Variants in RSPH10B observed in about 807,000 individuals in gnomAD.
The protein encoded by RSPH10B is radial spoke head 10 homolog B.
Under a neutral mutation model 52.5 loss-of-function variants are expected in RSPH10B, and 7 were observed. That is an observed-to-expected ratio of 0.13 (90% confidence interval 0.08 to 0.25). RSPH10B has a LOEUF of 0.25. RSPH10B is among the 10% of genes least tolerant of loss of function. The pLI is 1.00. For synonymous variants in RSPH10B, 28 were observed against 193.2 expected (o/e 0.14, Z 7.09); for missense variants, 89 against 542.5 (o/e 0.16, Z 8.30).
intron 18 of RSPH10B, among the ~76,000 whole-genome samples, chr7:5,927,073 TGTGTGTGTGTG>T (rs1562553352): frequency 1.8e-4 from 19 of 106,056 alleles, no homozygotes; most frequent in South Asian, 3.2e-4. Context: ...TGTGTATATG[TGTGTGTGTGTG>T]TGTGTGTGTG....
At chr7:5,928,330 G>A (rs375335907) in exon 18 of RSPH10B, 279 of 1,613,092 alleles carry the variant, frequency 1.7e-4, no homozygotes, top group East Asian at 1.0e-3. Flanking sequence ...CAAAGAAGAC[G>A]TACATATTAT....
At chr7:5,941,611 A>G (rs1047383723) in intron 13 of RSPH10B, among the ~76,000 whole-genome samples, 2 of 147,444 alleles carry the variant, frequency 1.4e-5, no homozygotes, top group African/African-American at 5.0e-5. Context: ...TGGCATGGTC[A>G]TGCACGCCTT....
intron 1 of RSPH10B, among the ~76,000 whole-genome samples, chr7:5,966,355 A>G (rs1781107839): frequency 8.7e-6 from 1 of 114,392 alleles, no homozygotes; most frequent in African/African-American, 3.2e-5. Flanking sequence ...AACTCTATAT[A>G]TACACACGCC....
At chr7:5,932,023 A>G (rs1779801743) in intron 17 of RSPH10B, among the ~76,000 whole-genome samples, 1 of 149,340 alleles carries the variant, frequency 6.7e-6, no homozygotes, top group African/African-American at 2.5e-5. Context: ...AAAAGGGGAA[A>G]CACCAGGGCT....
At chr7:5,927,619 C>T (rs1413274849) in intron 18 of RSPH10B, among the ~76,000 whole-genome samples, 1 of 142,934 alleles carries the variant, frequency 7.0e-6, no homozygotes. Flanking sequence ...AAAGAGTCCA[C>T]AGGTTTTGAA....
At position 5,954,125 on chromosome 7, in the gene RSPH10B, G is replaced by A. The variant is rs376892489; in HGVS notation, c.958-906C>T. On this transcript the variant is annotated intron_variant, in intron 7 of 18. Transcript: ENST00000337579. ...CCAAAAGTGTTGGGATTACAGGCGTGAGCCATCGTGCCCCACAATTTTTTT... is the reference window on the plus strand; with the variant it reads ...CCAAAAGTGTTGGGATTACAGGCGTAAGCCATCGTGCCCCACAATTTTTTT... Among the ~76,000 whole-genome samples, 11 of 120,340 alleles carry A rather than the reference G, an allele frequency of 9.1e-5. 1 individual carries two copies. The highest frequency in any genetic ancestry group is 8.1e-4 in the East Asian group (3 of 3,694). 78.9% of individuals were successfully genotyped at this position (120,340 alleles called of 152,430 possible). A position where few individuals can be genotyped will look rare whatever the true frequency, so the allele number is the denominator to read the frequency against.
At chr7:5,963,899 C>A in intron 3 of RSPH10B, among the ~76,000 whole-genome samples, 2 of 98,886 alleles carry the variant, frequency 2.0e-5, no homozygotes, top group Non-Finnish European at 2.1e-5. Context: ...AACCCTGTCT[C>A]TACAAAAAAA....
intron 18 of RSPH10B, among the ~76,000 whole-genome samples, chr7:5,927,545 C>T (rs1271765377): frequency 2.4e-5 from 3 of 126,916 alleles, no homozygotes; most frequent in African/African-American, 3.4e-5. Flanking sequence ...GCAACCAGCT[C>T]CAGCGAGAAG....
intron 7 of RSPH10B, among the ~76,000 whole-genome samples, chr7:5,955,343 CAG>C (rs1780717475): frequency 1.3e-5 from 1 of 78,814 alleles, no homozygotes; most frequent in Non-Finnish European, 2.6e-5. Flanking sequence ...ACTGTGCACT[CAG>C]AAATGGTTAA....
At chr7:5,928,775 G>A (rs1352568531) in intron 17 of RSPH10B, among the ~76,000 whole-genome samples, 54 of 150,526 alleles carry the variant, frequency 3.6e-4, no homozygotes, top group Admixed American at 2.8e-3. Context: ...ACAGGCGTGC[G>A]CCATCACACT....
At chr7:5,941,503 G>A (rs1301886635) in intron 13 of RSPH10B, among the ~76,000 whole-genome samples, 1 of 148,898 alleles carries the variant, frequency 6.7e-6, no homozygotes, top group Non-Finnish European at 1.5e-5. Flanking sequence ...CCAGCACTTT[G>A]GGAGTCCGAC....
chr7:5,950,358 G>T (rs1780550549), intron 9 of RSPH10B, among the ~76,000 whole-genome samples: 1 of 151,704 alleles, frequency 6.6e-6, no homozygotes, highest in Non-Finnish European at 1.5e-5. Context: ...ATCACCTGAG[G>T]TCAGGAGTTC....
intron 13 of RSPH10B, among the ~76,000 whole-genome samples, chr7:5,941,075 A>G (rs35300450): frequency 0.17 from 6,656 of 39,998 alleles, 885 homozygotes; most frequent in East Asian, 0.38. Context: ...GCCGAGGCAC[A>G]AGGACTGCTT....
chr7:5,968,567 T>C (rs1436582226), upstream of RSPH10B, among the ~76,000 whole-genome samples: 11 of 69,520 alleles, frequency 1.6e-4, no homozygotes, highest in African/African-American at 2.3e-4. Flanking sequence ...AGTGCGGTGG[T>C]GCGATCTTGG....
intron 17 of RSPH10B, among the ~76,000 whole-genome samples, chr7:5,931,865 T>C (rs1463957647): frequency 6.6e-6 from 1 of 151,060 alleles, no homozygotes; most frequent in African/African-American, 2.4e-5. Flanking sequence ...GATGGGTGCC[T>C]GTAATCCCAG....
chr7:5,931,370 C>T (rs1311309073), intron 17 of RSPH10B, among the ~76,000 whole-genome samples: 4 of 151,394 alleles, frequency 2.6e-5, no homozygotes, highest in South Asian at 2.1e-4. Flanking sequence ...GACAAGGGCC[C>T]GGGATGGAAC....
chr7:5,955,164 C>CA (rs1322313174), intron 7 of RSPH10B, among the ~76,000 whole-genome samples: 12 of 132,306 alleles, frequency 9.1e-5, no homozygotes, highest in South Asian at 6.6e-4. Flanking sequence ...AACTCTGTCT[C>CA]AAAAAAAAGA....
intron 18 of RSPH10B, among the ~76,000 whole-genome samples, chr7:5,927,235 G>A (rs1390524118): frequency 5.0e-5 from 6 of 118,910 alleles, no homozygotes; most frequent in East Asian, 2.4e-4. Flanking sequence ...GACTACAGGC[G>A]CCTGCCACCA....
At chr7:5,945,035 C>T in intron 11 of RSPH10B, 29 bp downstream of exon 13, 1 of 532,682 alleles carries the variant, frequency 1.9e-6, no homozygotes, top group East Asian at 3.4e-5. Flanking sequence ...TGCCCCATCC[C>T]CCAACAAGGG....
Sources: gnomAD v4.1 joint callset for allele counts (sites outside exome capture counted in the v4.1 genomes callset) on GRCh38, gnomAD v4.1.1 for gene constraint, MANE v1.5 for transcripts, NCBI Gene and HGNC (gene_info 2026-07-23, HGNC 2026-07-21) for gene names.